Variants in OSMR observed in about 807,000 individuals in gnomAD.
OSMR encodes oncostatin-M-specific receptor subunit beta.
OSMR carries 81 observed loss-of-function variants against 99.9 expected under a neutral mutation model. The observed-to-expected ratio is 0.81, with a 90% CI of 0.68 to 0.97. OSMR has a LOEUF of 0.97. OSMR is among the 50% of genes least tolerant of loss of function. The pLI, the probability that OSMR is intolerant of heterozygous loss-of-function variation, is 0.00. For synonymous variants in OSMR, 406 were observed against 410.4 expected (o/e 0.99, Z 0.13); for missense variants, 1,099 against 1,153.4 (o/e 0.95, Z 0.68).
downstream of OSMR, chr5:38,939,451 A>G (rs930141433): frequency 9.0e-5 from 21 of 232,212 alleles, no homozygotes; most frequent in Middle Eastern, 2.5e-3. Flanking sequence ...GGGAGAACAG[A>G]CTGTTTCCCC....
At position 38,885,457 on chromosome 5, in the gene OSMR, CT is replaced by C; in HGVS notation, c.814del (p.Ser272ProfsTer27). On this transcript the variant is annotated frameshift_variant, in exon 6 of 18. Coordinates refer to ENST00000274276, the MANE Select transcript of OSMR (RefSeq NM_003999.3). LOFTEE classifies it high-confidence loss of function. ...ACTGCCTTGGGGTGGTCTAAACAAC[CT>C]TCCCAAAGCTACACTTTATTTGAAT... Reference protein sequence around the residue: ...TDTALGWSKQPSQSYTLFESF... With the variant: ...TDTALGWSKQXSQSYTLFESF... The C allele has an allele frequency of 6.2e-7, 1 of 1,614,046 alleles. No individual in the cohort carries two copies. Among genetic ancestry groups the C allele is most frequent in the Non-Finnish European group, 8.5e-7 (1 of 1,179,914 alleles).
rs766590930 is a variant in OSMR at position 38,933,056 on chromosome 5, G to A, written c.2552G>A (p.Gly851Asp). Residue 851 changes from glycine to aspartate, a missense_variant, in exon 18 of 18, where the codon GGC (glycine) becomes GAC (aspartate). Transcript: ENST00000274276. The stretch of plus-strand genomic sequence containing the variant: ...ACAGAAAAGAATCACTCTGGCCCTG[G>A]CCCCTGCATCTGTTTTGAGAACTTG... Reference protein sequence around the residue: ...LPTEKNHSGPGPCICFENLTY... With the variant: ...LPTEKNHSGPDPCICFENLTY... The A allele has an allele frequency of 1.2e-6, 2 of 1,614,102 alleles. No homozygotes were observed. Among genetic ancestry groups the A allele is most frequent in the South Asian group, 1.1e-5 (1 of 91,064 alleles).
At chr5:38,885,303 T>C in intron 5 of OSMR, 46 bp from the exon 6 acceptor site, 4 of 1,612,086 alleles carry the variant, frequency 2.5e-6, no homozygotes, top group Non-Finnish European at 3.4e-6. Context: ...TGGCTTATCT[T>C]CCAATAAAAA....
In OSMR at chr5:38,846,014, CT is replaced by C. The variant is rs1739766451; in HGVS notation, c.-386del. The C allele has an allele frequency of 6.6e-6, 1 of 152,512 alleles. No individual in the cohort carries two copies. Among genetic ancestry groups the C allele is most frequent in the South Asian group, 2.1e-4 (1 of 4,838 alleles). 9.4% of individuals were successfully genotyped at this position (152,512 alleles called of 1,614,324 possible). Reference sequence around the variant, plus strand: ...CCGCCCCTCCGCGCTTGCCCCGCAGCTGATTCATAGCCCCGGCCCGGGCCGC... The same window carrying C: ...CCGCCCCTCCGCGCTTGCCCCGCAGCGATTCATAGCCCCGGCCCGGGCCGC... On this transcript the variant is annotated 5_prime_UTR_variant, in exon 1 of 18. Coordinates refer to ENST00000274276, the MANE Select transcript of OSMR (RefSeq NM_003999.3).
chr5:38,910,811 C>A (rs1745528224), intron 9 of OSMR, among the ~76,000 whole-genome samples: 1 of 152,146 alleles, frequency 6.6e-6, no homozygotes, highest in African/African-American at 2.4e-5. Flanking sequence ...GAGTTTGAGA[C>A]CAGCTTGGCC....
chr5:38,921,811 A>C lies in OSMR; in HGVS notation c.1765+17A>C. On this transcript the variant is annotated intron_variant, in intron 12 of 17. Transcript: ENST00000274276. ...TTAGCACAGGTAAGAAGAAGCTTCC[A>C]TATCATCGCATTGCTATATTCACCT... 1 of 1,584,204 alleles carries C rather than the reference A, an allele frequency of 6.3e-7. No homozygotes were observed. The highest frequency in any genetic ancestry group is 8.7e-7 in the Non-Finnish European group (1 of 1,152,654).
chr5:38,908,194 G>T (rs1745364145), intron 9 of OSMR, among the ~76,000 whole-genome samples: 1 of 152,158 alleles, frequency 6.6e-6, no homozygotes, highest in African/African-American at 2.4e-5. Context: ...GTGAATGCAT[G>T]CATGGATGCT....
intron 7 of OSMR, among the ~76,000 whole-genome samples, chr5:38,889,616 T>G (rs1744021908): frequency 6.6e-6 from 1 of 152,304 alleles, no homozygotes; most frequent in South Asian, 2.1e-4. Flanking sequence ...AGTAATTGTC[T>G]TATCATCATA....
At chr5:38,852,188 G>A (rs1461148794) in intron 1 of OSMR, among the ~76,000 whole-genome samples, 1 of 152,084 alleles carries the variant, frequency 6.6e-6, no homozygotes, top group Non-Finnish European at 1.5e-5. Flanking sequence ...TTATTTTTCT[G>A]TTCTTTTTGA....
At chr5:38,926,778 C>T (rs565220125) in intron 15 of OSMR, among the ~76,000 whole-genome samples, 4 of 152,266 alleles carry the variant, frequency 2.6e-5, no homozygotes, top group South Asian at 4.2e-4. Flanking sequence ...TATGCCTTTC[C>T]AACAGTCCCC....
At chr5:38,926,457 A>G (rs1002755284) in intron 15 of OSMR, among the ~76,000 whole-genome samples, 1 of 152,220 alleles carries the variant, frequency 6.6e-6, no homozygotes, top group Non-Finnish European at 1.5e-5. Flanking sequence ...GAAATTTACA[A>G]TCATGGCAGA....
At chr5:38,939,100 A>G (rs537127766), downstream of OSMR, 57 of 233,148 alleles carry the variant, frequency 2.4e-4, no homozygotes, top group South Asian at 5.4e-4. Context: ...TTTGAATGAC[A>G]GACAATTTGG....
At chr5:38,861,822 T>C (rs370028418) in intron 1 of OSMR, among the ~76,000 whole-genome samples, 8,729 of 113,206 alleles carry the variant, frequency 0.077, 684 homozygotes, top group East Asian at 0.47. Context: ...TAGGGGCGGC[T>C]GGGCAGAGGC....
chr5:38,932,136 G>A (rs2112704568), intron 16 of OSMR, among the ~76,000 whole-genome samples, 172 bp downstream of exon 16: 1 of 152,302 alleles, frequency 6.6e-6, no homozygotes, highest in African/African-American at 2.4e-5. Context: ...TGTTTTCCAA[G>A]TGGCTATATG....
intron 1 of OSMR, among the ~76,000 whole-genome samples, chr5:38,851,592 G>A (rs1740357759): frequency 6.6e-6 from 1 of 152,172 alleles, no homozygotes; most frequent in South Asian, 2.1e-4. Context: ...AAGGGGCAGT[G>A]TCTGAAGGCT....
chr5:38,873,834 A>G (rs78255653), intron 2 of OSMR, among the ~76,000 whole-genome samples: 6,244 of 151,400 alleles, frequency 0.041, 249 homozygotes, highest in African/African-American at 0.099. Flanking sequence ...ATTTTATTCT[A>G]TTTTATTTTA....
intron 14 of OSMR, among the ~76,000 whole-genome samples, chr5:38,924,853 G>T (rs1278049854): frequency 6.6e-6 from 1 of 151,158 alleles, no homozygotes; most frequent in Non-Finnish European, 1.5e-5. Flanking sequence ...CCTTAAGAAA[G>T]CCTGGCCTTT....
intron 14 of OSMR, 79 bp from the exon 15 acceptor site, chr5:38,925,125 G>A (rs1018436247): frequency 3.8e-5 from 60 of 1,585,806 alleles, no homozygotes; most frequent in Non-Finnish European, 5.1e-5. Flanking sequence ...TTAGTGTCCA[G>A]CTCTCTCACA....
chr5:38,862,327 T>C (rs1579641628), intron 1 of OSMR, among the ~76,000 whole-genome samples: 1 of 91,354 alleles, frequency 1.1e-5, no homozygotes, highest in Non-Finnish European at 2.1e-5. Context: ...ACGGGGTGGC[T>C]GGCCGGGCAG....
Sources: gnomAD v4.1 joint callset for allele counts (sites outside exome capture counted in the v4.1 genomes callset) on GRCh38, gnomAD v4.1.1 for gene constraint, MANE v1.5 for transcripts, NCBI Gene and HGNC (gene_info 2026-07-23, HGNC 2026-07-21) for gene names.